The following PDE4C variants were observed in gnomAD, a reference collection of about 807,000 sequenced individuals.
The protein encoded by PDE4C is 3',5'-cyclic-AMP phosphodiesterase 4C.
In PDE4C, 50 loss-of-function variants were observed where a neutral mutation model predicts 63.9. That is an observed-to-expected ratio of 0.78 (90% CI 0.62 to 0.99). PDE4C has a LOEUF of 0.99. Ranked by LOEUF, PDE4C falls within the 50% of genes least tolerant of loss-of-function variation. The probability of loss-of-function intolerance (pLI) is 0.00; values close to 1 mark genes in which losing one functional copy is unlikely to be tolerated. For synonymous variants in PDE4C, 377 were observed against 385.1 expected, an observed-to-expected ratio of 0.98 and a Z score of 0.25; for missense variants, 777 against 899.1, an observed-to-expected ratio of 0.86 and a Z score of 1.74.
intron 1 of PDE4C, among the ~76,000 whole-genome samples, chr19:18,241,985 G>A (rs979194829): frequency 3.3e-5 from 5 of 152,196 alleles, no homozygotes; most frequent in South Asian, 2.1e-4. Context: ...AAGAAAACTG[G>A]ACAAGGGTCT....
chr19:18,218,742 G>C (rs1028660953), intron 9 of PDE4C, among the ~76,000 whole-genome samples, 198 bp downstream of exon 9: 11 of 152,178 alleles, frequency 7.2e-5, no homozygotes, highest in African/African-American at 2.4e-4. Flanking sequence ...GCCAGGGGCC[G>C]GGCCAGGGCT....
chr19:18,220,572 C>G lies in PDE4C; in HGVS notation c.500-57G>C. On this transcript the variant is annotated intron_variant, in intron 5 of 14. Coordinates refer to ENST00000262805, the Ensembl canonical transcript of PDE4C. This position sits in a 1 kb window ranked among gnomAD's most constrained non-coding sequence, Gnocchi z 5.1. ...ACCCCCCCGCTCAGGGACCCCACGCCTCTCGCGACTTCGTCTCTTCATCTG... is the reference window on the plus strand; with the variant it reads ...ACCCCCCCGCTCAGGGACCCCACGCGTCTCGCGACTTCGTCTCTTCATCTG... 6.9e-7 allele frequency: 1 copy of G among 1,442,056 alleles called. No homozygotes were observed. The highest frequency in any genetic ancestry group is 9.6e-7 in the Non-Finnish European group (1 of 1,038,900). The allele number at this position is 1,442,056 out of a possible 1,614,324, so 89.3% of individuals were successfully genotyped here.
Position 18,218,203 on chromosome 19 carries a change from C to T in PDE4C, c.1180G>A (p.Ala394Thr), listed in dbSNP as rs766607057. Residue 394 changes from alanine to threonine, a missense_variant, in exon 11 of 15, where the codon GCC becomes ACC. Coordinates refer to ENST00000262805, the Ensembl canonical transcript of PDE4C. ...CCAGGATGGTCCACGTCGTGGATGG[C>T]GCTTGCAAAGAGGGCAGCCAGGATT... The T allele has an allele frequency of 1.7e-5, 28 of 1,614,086 alleles. No homozygotes were observed. In the East Asian group the frequency reaches 2.7e-4, roughly 15 times the overall value.
intron 1 of PDE4C, among the ~76,000 whole-genome samples, chr19:18,242,771 C>G (rs148880580): frequency 0.022 from 2,566 of 118,438 alleles, 84 homozygotes; most frequent in African/African-American, 0.082. Context: ...GGCCACAGAG[C>G]AAGACTTTCA....
intron 1 of PDE4C, among the ~76,000 whole-genome samples, chr19:18,247,656 C>A (rs533725836): frequency 3.2e-4 from 48 of 152,242 alleles, no homozygotes; most frequent in Admixed American, 1.6e-3. Context: ...CTGGGCCACC[C>A]CCACCCCCTA....
upstream of PDE4C, chr19:18,252,066 G>A (rs1969236424): frequency 1.3e-5 from 5 of 398,738 alleles, no homozygotes; most frequent in Middle Eastern, 6.2e-4. Flanking sequence ...ATACTCACCT[G>A]GGCCAGGGGG....
At chr19:18,221,428 C>G (rs182490538) in intron 2 of PDE4C, 131 bp from the exon 3 acceptor site, 175 of 852,642 alleles carry the variant, frequency 2.1e-4, no homozygotes, top group Non-Finnish European at 2.8e-4. Flanking sequence ...TCCCTGGGGT[C>G]CCCTCATGCG....
chr19:18,231,559 G>A (rs543732495), intron 1 of PDE4C, among the ~76,000 whole-genome samples: 104 of 152,174 alleles, frequency 6.8e-4, no homozygotes, highest in Non-Finnish European at 1.2e-3. Context: ...GGCTGGGGGC[G>A]AGAGGCCAGG....
upstream of PDE4C, among the ~76,000 whole-genome samples, chr19:18,251,135 T>C (rs1016282078): frequency 6.6e-6 from 1 of 151,476 alleles, no homozygotes; most frequent in African/African-American, 2.4e-5. Context: ...AGTCTTTTTT[T>C]TCCCCCCCGA....
chr19:18,247,357 G>A (rs1368231375), intron 1 of PDE4C, among the ~76,000 whole-genome samples: 2 of 151,984 alleles, frequency 1.3e-5, no homozygotes, highest in East Asian at 1.9e-4. Context: ...GTGCAGTGGC[G>A]TGATCTCAAC....
intron 1 of PDE4C, among the ~76,000 whole-genome samples, chr19:18,239,878 T>C (rs1421637635): frequency 4.6e-5 from 7 of 151,816 alleles, no homozygotes; most frequent in African/African-American, 1.2e-4. Flanking sequence ...ATACAAAAAT[T>C]AGCCGAGCAT....
At chr19:18,232,818 C>T (rs1333265160) in intron 1 of PDE4C, 5 of 1,113,426 alleles carry the variant, frequency 4.5e-6, no homozygotes, top group Non-Finnish European at 4.9e-6. Flanking sequence ...TAGCTTTTTC[C>T]TTCCAGGCGC....
chr19:18,223,297 GC>G (rs951398561), intron 1 of PDE4C, among the ~76,000 whole-genome samples: 1 of 147,794 alleles, frequency 6.8e-6, no homozygotes, highest in Non-Finnish European at 1.5e-5. Context: ...CGCAACCTCC[GC>G]CTCCCAGGTT....
upstream of PDE4C, among the ~76,000 whole-genome samples, chr19:18,231,351 C>G (rs971448693): frequency 1.3e-5 from 2 of 152,244 alleles, no homozygotes; most frequent in Non-Finnish European, 2.9e-5. Flanking sequence ...CGGGGGCTTC[C>G]CCTAGAAGAG....
chr19:18,230,600 T>G (rs892346916), upstream of PDE4C, among the ~76,000 whole-genome samples: 3 of 152,204 alleles, frequency 2.0e-5, no homozygotes, highest in African/African-American at 7.2e-5. Context: ...CTCACATGCC[T>G]GATCCTCTTG....
chr19:18,226,838 T>C (rs1423705525), upstream of PDE4C, among the ~76,000 whole-genome samples: 2 of 151,854 alleles, frequency 1.3e-5, no homozygotes, highest in African/African-American at 4.8e-5. Context: ...ACTCCCAGAC[T>C]CAAGTGATCC....
upstream of PDE4C, chr19:18,226,605 CTTTTTTT>C (rs34009293): frequency 2.9e-5 from 6 of 203,704 alleles, no homozygotes; most frequent in Non-Finnish European, 2.6e-5. Context: ...CTCTCTGCTC[CTTTTTTT>C]TTTTTTTTTT....
At chr19:18,221,394 C>T in intron 2 of PDE4C, 97 bp from the exon 3 acceptor site, 1 of 1,278,298 alleles carries the variant, frequency 7.8e-7, no homozygotes, top group Non-Finnish European at 1.1e-6. Flanking sequence ...GCTCTCAGGA[C>T]TTCTCCTCCA....
At position 18,220,292 on chromosome 19, in the gene PDE4C, T is replaced by C; in HGVS notation, c.640A>G (p.Thr214Ala). 2.5e-6 allele frequency: 4 copies of C among 1,613,806 alleles called. No homozygotes were observed. The East Asian group carries it at 6.7e-5, about 27-fold the overall frequency. The stretch of plus-strand genomic sequence containing the variant: ...GAGCGGCTGGTTTCGGACAGGTGGG[T>C]CAACTCCCGGTTCAGGATCCGCTTG... Residue 214 changes from threonine (T) to alanine (A), a missense_variant, in exon 7 of 15, where the codon ACC becomes GCC. Physicochemically the swap from Thr to Ala is moderately conservative, Grantham distance 58. Coordinates refer to ENST00000262805, the Ensembl canonical transcript of PDE4C. The surrounding 1 kb of genome is among the most constrained non-coding windows in gnomAD (Gnocchi z 5.1).
Sources: gnomAD v4.1 joint callset for allele counts (sites outside exome capture counted in the v4.1 genomes callset) on GRCh38, gnomAD v4.1.1 for gene constraint, Gnocchi (gnomAD v3.1) non-coding constraint, MANE v1.5 for transcripts, NCBI Gene and HGNC (gene_info 2026-07-23, HGNC 2026-07-21) for gene names.